Variants in ACOT12 observed in about 807,000 individuals in gnomAD.
ACOT12 encodes the protein acetyl-coenzyme A thioesterase.
Under a neutral mutation model 67.7 loss-of-function variants are expected in ACOT12, and 51 were observed. The ratio of observed to expected loss-of-function variants is 0.75; its 90% CI spans 0.60 to 0.95. ACOT12 has a LOEUF of 0.95. Among genes scored for constraint, ACOT12 ranks in the 40% least tolerant of loss-of-function variants. The pLI is 0.00. For missense variants in ACOT12, 734 were observed against 708.1 expected, an observed-to-expected ratio of 1.04 and a Z score of -0.41; for synonymous variants, 251 against 244.6, an observed-to-expected ratio of 1.03 and a Z score of -0.24.
chr5:81,318,086 T>G, the ACOT12 span, among the ~76,000 whole-genome samples: 3 of 152,068 alleles, frequency 2.0e-5, no homozygotes, highest in Non-Finnish European at 2.9e-5. Context: ...TTTCACCATG[T>G]TGGCCAGGCT....
chr5:81,377,684 T>C (rs1760461741), intron 2 of ACOT12, among the ~76,000 whole-genome samples: 1 of 152,204 alleles, frequency 6.6e-6, no homozygotes, highest in Admixed American at 6.5e-5. Flanking sequence ...CAAGCATTCT[T>C]ATACACCAAT....
downstream of ACOT12, among the ~76,000 whole-genome samples, chr5:81,325,687 T>C (rs1253511852): frequency 1.3e-5 from 2 of 152,198 alleles, no homozygotes; most frequent in African/African-American, 4.8e-5. Context: ...ATAATTTTTA[T>C]AGGGTGCTTC....
chr5:81,359,997 A>T lies in ACOT12; in HGVS notation c.402T>A (p.His134Gln), dbSNP rs1408874420. The change falls in exon 5 of 15, where the codon CAT becomes CAA. Residue 134 changes from histidine to glutamine, a missense_variant. By Grantham distance (24) the His-to-Gln change is conservative. Coordinates refer to ENST00000307624, the MANE Select transcript of ACOT12 (RefSeq NM_130767.3). ...TCTCAGCAGCCAGATTATGTTCCAC[A>T]TGATCTTGTTCAGTTAGAAGTGTGA... Reference protein sequence around the residue: ...KPVTLLTEQDHVEHNLAAERR... With the variant: ...KPVTLLTEQDQVEHNLAAERR... 1 of 1,612,976 alleles carries T rather than the reference A, an allele frequency of 6.2e-7. No individual in the cohort carries two copies. The highest frequency in any genetic ancestry group is 1.7e-4 in the Middle Eastern group (1 of 6,060).
intron 1 of ACOT12, among the ~76,000 whole-genome samples, chr5:81,392,414 T>G (rs940519288): frequency 4.6e-5 from 7 of 152,206 alleles, no homozygotes; most frequent in African/African-American, 1.7e-4. Flanking sequence ...TTAGTAACAT[T>G]ATCAGTTATT....
intron 5 of ACOT12, among the ~76,000 whole-genome samples, chr5:81,348,712 G>A (rs556161480): frequency 4.1e-4 from 63 of 152,194 alleles, no homozygotes; most frequent in African/African-American, 1.3e-3. Context: ...TTACAGGTGC[G>A]TGCCACCACG....
the ACOT12 span, among the ~76,000 whole-genome samples, chr5:81,323,950 ATATAT>A: frequency 3.8e-3 from 572 of 149,822 alleles, 4 homozygotes; most frequent in Non-Finnish European, 6.7e-3. Flanking sequence ...GTATATATAT[ATATAT>A]TTTTTAGACA....
chr5:81,339,090 A>G (rs1008746225), intron 11 of ACOT12, among the ~76,000 whole-genome samples: 3 of 152,254 alleles, frequency 2.0e-5, no homozygotes, highest in Admixed American at 6.5e-5. Context: ...AAAAACAAAC[A>G]GTACAAGAGG....
At chr5:81,381,260 G>A (rs1464312903) in intron 2 of ACOT12, among the ~76,000 whole-genome samples, 2 of 151,994 alleles carry the variant, frequency 1.3e-5, no homozygotes, top group Non-Finnish European at 2.9e-5. Context: ...TAGAGATGGG[G>A]TTTCATCATG....
chr5:81,377,497 C>T (rs6890957), intron 2 of ACOT12, among the ~76,000 whole-genome samples: 13,066 of 151,994 alleles, frequency 0.086, 641 homozygotes, highest in Middle Eastern at 0.13. Flanking sequence ...CAGGACAATC[C>T]GGCAAGAGAA....
At chr5:81,339,255 C>A (rs926122290) in intron 11 of ACOT12, among the ~76,000 whole-genome samples, 1 of 152,154 alleles carries the variant, frequency 6.6e-6, no homozygotes, top group African/African-American at 2.4e-5. Context: ...GGGGGCCAAG[C>A]GGGTGGGGGT....
At chr5:81,329,510 G>C (rs999423511), downstream of ACOT12, among the ~76,000 whole-genome samples, 4 of 152,168 alleles carry the variant, frequency 2.6e-5, no homozygotes, top group Non-Finnish European at 5.9e-5. Context: ...GGGGAGCAGA[G>C]GTAGAACTTT....
intron 3 of ACOT12, among the ~76,000 whole-genome samples, chr5:81,368,804 C>T (rs1288958403): frequency 1.3e-5 from 2 of 151,182 alleles, no homozygotes; most frequent in Non-Finnish European, 2.9e-5. Flanking sequence ...ATATAATAAC[C>T]AACAGCAGAA....
chr5:81,311,190 G>T, the ACOT12 span: 1 of 1,613,956 alleles, frequency 6.2e-7, no homozygotes, highest in South Asian at 1.1e-5. Context: ...ATGGTATTCA[G>T]TGGCTTTGCT....
chr5:81,383,909 A>G (rs1371790846), intron 2 of ACOT12, among the ~76,000 whole-genome samples: 3 of 152,034 alleles, frequency 2.0e-5, no homozygotes, highest in Non-Finnish European at 4.4e-5. Flanking sequence ...AGTTACAATA[A>G]TCTAAGGTTA....
intron 5 of ACOT12, among the ~76,000 whole-genome samples, chr5:81,352,148 C>T (rs1329239133): frequency 6.6e-6 from 1 of 152,196 alleles, no homozygotes; most frequent in Non-Finnish European, 1.5e-5. Context: ...CCTTCATACA[C>T]TGTTGGTGGG....
intron 2 of ACOT12, among the ~76,000 whole-genome samples, chr5:81,383,104 A>G (rs140144038): frequency 6.6e-6 from 1 of 152,142 alleles, no homozygotes; most frequent in East Asian, 1.9e-4. Flanking sequence ...CGAATATCAA[A>G]CCCTCACCAG....
intron 11 of ACOT12, among the ~76,000 whole-genome samples, chr5:81,341,807 A>G (rs1759201171): frequency 6.6e-6 from 1 of 152,152 alleles, no homozygotes; most frequent in East Asian, 1.9e-4. Flanking sequence ...AAACACTGTA[A>G]TAGGTCCTAA....
the ACOT12 span, among the ~76,000 whole-genome samples, chr5:81,314,835 G>A: frequency 2.0e-5 from 3 of 151,984 alleles, no homozygotes; most frequent in Non-Finnish European, 4.4e-5. Context: ...TTTTTAAGAT[G>A]GGGTCTTACC....
At chr5:81,385,704 C>A in intron 2 of ACOT12, 53 bp downstream of exon 2, 1 of 1,558,688 alleles carries the variant, frequency 6.4e-7, no homozygotes, top group South Asian at 1.1e-5. Flanking sequence ...AATACATGTC[C>A]CAGATGAACC....
Sources: allele counts gnomAD v4.1 joint callset (sites outside exome capture counted in the v4.1 genomes callset), GRCh38; gene constraint gnomAD v4.1.1; transcripts MANE v1.5; gene names NCBI Gene and HGNC (gene_info 2026-07-23, HGNC 2026-07-21).